Variants in ABLIM3 observed in about 807,000 individuals in gnomAD.
ABLIM3 encodes the protein actin binding LIM protein family member 3, also known as actin-binding LIM protein 3.
Under a neutral mutation model 109.5 loss-of-function variants are expected in ABLIM3, and 61 were observed. The observed-to-expected ratio is 0.56, with a 90% CI of 0.45 to 0.69. ABLIM3 has a LOEUF of 0.69. ABLIM3 is among the 30% of genes least tolerant of loss of function. The probability of loss-of-function intolerance (pLI) is 0.00; values close to 1 mark genes in which losing one functional copy is unlikely to be tolerated. For synonymous variants in ABLIM3, 300 were observed against 324.8 expected (o/e 0.92, Z 0.82); for missense variants, 796 against 889.5 (o/e 0.89, Z 1.34).
chr5:149,221,573 T>C (rs192027377), intron 8 of ABLIM3, among the ~76,000 whole-genome samples: 34 of 152,332 alleles, frequency 2.2e-4, no homozygotes, highest in Admixed American at 2.1e-3. Context: ...GCAAGTTTTA[T>C]TTGTTTTAAG....
intron 2 of ABLIM3, among the ~76,000 whole-genome samples, 170 bp downstream of exon 2, chr5:149,142,278 A>G (rs571382367): frequency 3.9e-5 from 6 of 152,256 alleles, no homozygotes; most frequent in Admixed American, 2.0e-4. Context: ...GGATAGCTTC[A>G]TGACTCTGGC....
chr5:149,210,910 CT>C (rs1389686537), intron 7 of ABLIM3, 91 bp downstream of exon 7: 62 of 1,224,516 alleles, frequency 5.1e-5, no homozygotes, highest in Admixed American at 2.0e-4. Flanking sequence ...CATCCCATAC[CT>C]TTTTTTCCAT....
intron 10 of ABLIM3, among the ~76,000 whole-genome samples, chr5:149,235,100 G>A (rs1762217294): frequency 6.6e-6 from 1 of 152,138 alleles, no homozygotes; most frequent in Non-Finnish European, 1.5e-5. Flanking sequence ...CATCCTAGCA[G>A]AGGCATGTGT....
rs1752331211 is a variant in ABLIM3 at position 149,237,549 on chromosome 5, G to C, written c.990G>C (p.Glu330Asp). 2 of 1,614,164 alleles carry C rather than the reference G, an allele frequency of 1.2e-6. No homozygotes were observed. Among genetic ancestry groups the C allele is most frequent in the South Asian group, 1.1e-5 (1 of 91,078 alleles). Reference protein sequence around the residue: ...EVQRPDLISYEPHSRYMSDEM... With the variant: ...EVQRPDLISYDPHSRYMSDEM... ...AACGCCCCGACCTCATTTCCTATGAGCCTCATTCCAGATACATGTCCGACG... is the reference window on the plus strand; with the variant it reads ...AACGCCCCGACCTCATTTCCTATGACCCTCATTCCAGATACATGTCCGACG... The change falls in exon 11 of 24, where the codon GAG becomes GAC. Residue 330 changes from glutamate (E) to aspartate (D), a missense_variant. Transcript: ENST00000309868.
chr5:149,169,366 G>A (rs1310572948), intron 2 of ABLIM3, among the ~76,000 whole-genome samples: 1 of 151,926 alleles, frequency 6.6e-6, no homozygotes, highest in Non-Finnish European at 1.5e-5. Context: ...AATCTATCAT[G>A]GACTCCAGGG....
rs1752624887 is a variant in ABLIM3 at position 149,239,896 on chromosome 5, A to G, written c.1204+8A>G. 1 of 1,599,312 alleles carries G rather than the reference A, an allele frequency of 6.3e-7. No homozygotes were observed. Among genetic ancestry groups the G allele is most frequent in the South Asian group, 1.1e-5 (1 of 89,384 alleles). ...ACCACTACTACCGCTCTGGTAAGGA[A>G]GGGGGAGGACCTGAAGGGAGAGGAA... On this transcript the variant is annotated splice_region_variant and intron_variant, in intron 13 of 23. Coordinates refer to ENST00000309868, the MANE Select transcript of ABLIM3 (RefSeq NM_014945.5).
In ABLIM3 at chr5:149,240,700, C is replaced by G; in HGVS notation, c.1229C>G (p.Pro410Arg). 10 of 1,614,164 alleles carry G rather than the reference C, an allele frequency of 6.2e-6. No individual in the cohort carries two copies. Among genetic ancestry groups the G allele is most frequent in the Non-Finnish European group, 8.5e-6 (10 of 1,180,036 alleles). ...GGGCCCGAGAGTGGCCGGAGCTCTC[C>G]ATACCATAGCCAGTTAGATGTGAGG... The part of the protein sequence containing the change: ...RSGPESGRSS[P>R]YHSQLDVRSS... The change falls in exon 14 of 24, where the codon CCA becomes CGA. Residue 410 changes from proline (P) to arginine (R), a missense_variant. Physicochemically the swap from Pro to Arg is moderately radical, Grantham distance 103. Coordinates refer to ENST00000309868, the MANE Select transcript of ABLIM3 (RefSeq NM_014945.5).
In ABLIM3 at chr5:149,239,795, G is replaced by C. The variant is rs200810067; in HGVS notation, c.1111G>C (p.Ala371Pro). The C allele has an allele frequency of 3.1e-6, 5 of 1,608,014 alleles. No homozygotes were observed. The African/African-American group carries it at 6.7e-5, about 22-fold the overall frequency. ...YENLDLRQRR[A>P]SSPGYIDSPT... Reference sequence around the variant, plus strand: ...GAACCTGGACCTCCGGCAGAGACGGGCCTCCAGCCCGGGGTACATAGACTC... The same window carrying C: ...GAACCTGGACCTCCGGCAGAGACGGCCCTCCAGCCCGGGGTACATAGACTC... The change falls in exon 13 of 24, where the codon GCC becomes CCC. Residue 371 changes from alanine (A) to proline (P), a missense_variant. Ala to Pro is a conservative substitution (Grantham distance 27). Transcript: ENST00000309868.
At chr5:149,232,927 T>C (rs960957421) in intron 9 of ABLIM3, among the ~76,000 whole-genome samples, 1 of 152,190 alleles carries the variant, frequency 6.6e-6, no homozygotes, top group African/African-American at 2.4e-5. Context: ...AAGAAATACA[T>C]TATTGACTGG....
At chr5:149,226,342 G>C (rs191158228) in intron 8 of ABLIM3, among the ~76,000 whole-genome samples, 1 of 151,930 alleles carries the variant, frequency 6.6e-6, no homozygotes, top group African/African-American at 2.4e-5. Context: ...AAAATTAGCC[G>C]AGTGTGGTGG....
In ABLIM3 at chr5:149,214,404, GA is replaced by G. The variant is rs202072511; in HGVS notation, c.670-2549del. ...ATTCTATCAGCCGGCACGCCCGGTG[GA>G]AAAAAGAACTTCTCTTTTCTAATAG... is the stretch of plus-strand genomic sequence containing the variant. On this transcript the variant is annotated intron_variant, in intron 7 of 23. Transcript: ENST00000309868. 1.9e-3 allele frequency among the ~76,000 whole-genome samples: 292 copies of G among 152,234 alleles called. 2 individuals carry two copies. The highest frequency in any genetic ancestry group is 6.8e-3 in the African/African-American group (281 of 41,536).
intron 2 of ABLIM3, among the ~76,000 whole-genome samples, chr5:149,157,725 A>G (rs188468106): frequency 1.3e-5 from 2 of 152,040 alleles, no homozygotes; most frequent in Admixed American, 6.5e-5. Context: ...GTGTGGGAAT[A>G]CCAGTGGCCA....
intron 3 of ABLIM3, among the ~76,000 whole-genome samples, chr5:149,185,485 A>G (rs1054492276): frequency 1.3e-5 from 2 of 152,234 alleles, no homozygotes; most frequent in African/African-American, 4.8e-5. Context: ...GTCACGGAGA[A>G]ATAAACTTTG....
At chr5:149,206,151 C>A (rs192690356) in intron 5 of ABLIM3, among the ~76,000 whole-genome samples, 1 of 152,342 alleles carries the variant, frequency 6.6e-6, no homozygotes, top group East Asian at 1.9e-4. Flanking sequence ...GACGTTGGCT[C>A]CATTTCCGGA....
At chr5:149,203,969 G>A (rs932424167) in intron 5 of ABLIM3, among the ~76,000 whole-genome samples, 1 of 152,214 alleles carries the variant, frequency 6.6e-6, no homozygotes, top group Non-Finnish European at 1.5e-5. Flanking sequence ...ACTAGAATGT[G>A]AGACCAGCCA....
intron 2 of ABLIM3, among the ~76,000 whole-genome samples, chr5:149,173,201 C>A (rs527813402): frequency 2.6e-5 from 4 of 152,168 alleles, no homozygotes; most frequent in Non-Finnish European, 5.9e-5. Context: ...TGTCACATGG[C>A]GTGATCACTT....
At position 149,259,803 on chromosome 5, in the gene ABLIM3, G is replaced by A. The variant is rs994745914; in HGVS notation, c.*1399G>A. 6.8e-6 allele frequency: 4 copies of A among 589,474 alleles called. No individual in the cohort carries two copies. Among genetic ancestry groups the A allele is most frequent in the Non-Finnish European group, 1.2e-5 (4 of 332,942 alleles). The allele number at this position is 589,474 out of a possible 1,614,324, so 36.5% of individuals were successfully genotyped here. A position where few individuals can be genotyped will look rare whatever the true frequency, so the allele number is the denominator to read the frequency against. ...GGAGGAAGGATGAAGAAGTGAAAAT[G>A]ACAATAATGACTCTCAAGAGGCTGG... On this transcript the variant is annotated 3_prime_UTR_variant, in exon 24 of 24. Coordinates refer to ENST00000309868, the MANE Select transcript of ABLIM3 (RefSeq NM_014945.5).
At chr5:149,188,206 T>G (rs1757155261) in intron 3 of ABLIM3, among the ~76,000 whole-genome samples, 1 of 152,080 alleles carries the variant, frequency 6.6e-6, no homozygotes, top group African/African-American at 2.4e-5. Context: ...GCATCCAGAT[T>G]AAAAAGGAAG....
At chr5:149,246,281 A>G (rs1197421062) in intron 16 of ABLIM3, among the ~76,000 whole-genome samples, 1 of 152,216 alleles carries the variant, frequency 6.6e-6, no homozygotes, top group Non-Finnish European at 1.5e-5. Flanking sequence ...CCATCCCCAC[A>G]GGAGAGGAGT....
Sources: allele counts gnomAD v4.1 joint callset (sites outside exome capture counted in the v4.1 genomes callset), GRCh38; gene constraint gnomAD v4.1.1; transcripts MANE v1.5; gene names NCBI Gene and HGNC (gene_info 2026-07-23, HGNC 2026-07-21).